The following CKAP2L variants were observed in gnomAD, a reference collection of about 807,000 sequenced individuals.
CKAP2L encodes the protein cytoskeleton-associated protein 2-like.
A neutral mutation model predicts 65.7 loss-of-function variants in CKAP2L; 42 were observed. The ratio of observed to expected loss-of-function variants is 0.64; its 90% CI spans 0.50 to 0.83. CKAP2L has a LOEUF of 0.83. Among genes scored for constraint, CKAP2L ranks in the 40% least tolerant of loss-of-function variants. CKAP2L has a pLI of 0.00. For synonymous variants in CKAP2L, 325 were observed against 313.5 expected, an observed-to-expected ratio of 1.04 and a Z score of -0.39; for missense variants, 908 against 871.0, an observed-to-expected ratio of 1.04 and a Z score of -0.53.
In CKAP2L at chr2:112,746,388, T is replaced by A. The variant is rs750608634; in HGVS notation, c.1758+32A>T. 5 of 1,546,768 alleles carry A rather than the reference T, an allele frequency of 3.2e-6. No individual in the cohort carries two copies. The Admixed American group carries it at 9.5e-5, about 30-fold the overall frequency. On this transcript the variant is annotated intron_variant, in intron 6 of 8. Coordinates refer to ENST00000302450, the MANE Select transcript of CKAP2L (RefSeq NM_152515.5). ...AGAGAACTCACATGAAAGAGAATTTTAAGAAGTTACCCACCCAAGACAGAT... is the reference window on the plus strand; with the variant it reads ...AGAGAACTCACATGAAAGAGAATTTAAAGAAGTTACCCACCCAAGACAGAT...
chr2:112,741,971 G>C (rs1042762372), intron 7 of CKAP2L, among the ~76,000 whole-genome samples: 2 of 68,900 alleles, frequency 2.9e-5, no homozygotes, highest in East Asian at 4.4e-4. Context: ...TTTTTTTAAA[G>C]ACAAGACAGG....
rs1680552197 is a variant in CKAP2L at position 112,756,706 on chromosome 2, A to T, written c.665T>A (p.Val222Asp). ...ACTTTTGCCCAAGGCTTGTTTAGGA[A>T]CTAAACTGTTCTTGGTTTGATTATA... ...DSYNQTKNSL[V>D]PKQALGKSSV... Residue 222 changes from valine to aspartate, a missense_variant, in exon 4 of 9, where the codon GTT becomes GAT. By Grantham distance (152) the Val-to-Asp change is radical. Transcript: ENST00000302450. 1 of 1,593,978 alleles carries T rather than the reference A, an allele frequency of 6.3e-7. No individual in the cohort carries two copies. Among genetic ancestry groups the T allele is most frequent in the Non-Finnish European group, 8.5e-7 (1 of 1,172,912 alleles).
At position 112,737,606 on chromosome 2, in the gene CKAP2L, T is replaced by C. The variant is rs1679390765; in HGVS notation, c.*1217A>G. 1 of 152,212 alleles carries C rather than the reference T, an allele frequency of 6.6e-6. No homozygotes were observed. Among genetic ancestry groups the C allele is most frequent in the African/African-American group, 2.4e-5 (1 of 41,450 alleles). The allele number at this position is 152,212 out of a possible 1,614,324, so 9.4% of individuals were successfully genotyped here. Reference sequence around the variant, plus strand: ...ACAATTGAGTTGTAAGAGTCTCTTATTGAAAGTCTGCTGGTATTACAGGTT... The same window carrying C: ...ACAATTGAGTTGTAAGAGTCTCTTACTGAAAGTCTGCTGGTATTACAGGTT... On this transcript the variant is annotated 3_prime_UTR_variant, in exon 9 of 9. Coordinates refer to ENST00000302450, the MANE Select transcript of CKAP2L (RefSeq NM_152515.5).
At position 112,756,665 on chromosome 2, in the gene CKAP2L, C is replaced by T. The variant is rs1573234478; in HGVS notation, c.706G>A (p.Val236Ile). 2.5e-6 allele frequency: 4 copies of T among 1,601,944 alleles called. No individual in the cohort carries two copies. The East Asian group carries it at 6.7e-5, about 27-fold the overall frequency. Reference sequence around the variant, plus strand: ...TGTTTATTAACCCTATCTTTCAGAACAGCACTATTAACTGAACTTTTGCCC... The same window carrying T: ...TGTTTATTAACCCTATCTTTCAGAATAGCACTATTAACTGAACTTTTGCCC... ...ALGKSSVNSA[V>I]LKDRVNKQFV... Residue 236 changes from valine (V) to isoleucine (I), a missense_variant, in exon 4 of 9, where the codon GTT (valine) becomes ATT (isoleucine). Physicochemically the swap from Val to Ile is conservative, Grantham distance 29. Coordinates refer to ENST00000302450, the MANE Select transcript of CKAP2L (RefSeq NM_152515.5).
rs1679186079 is a variant in CKAP2L at position 112,736,463 on chromosome 2, C to CA, written c.*2359dup. On this transcript the variant is annotated 3_prime_UTR_variant, in exon 9 of 9. Coordinates refer to ENST00000302450, the MANE Select transcript of CKAP2L (RefSeq NM_152515.5). Reference sequence around the variant, plus strand: ...GTGAAGCAGATTAACATTATCATCTCAGTTTTTTTGTGATAATAGCAGCTA... The same window carrying CA: ...GTGAAGCAGATTAACATTATCATCTCAAGTTTTTTTGTGATAATAGCAGCTA... 1 of 152,148 alleles carries CA rather than the reference C, an allele frequency of 6.6e-6. No homozygotes were observed. The highest frequency in any genetic ancestry group is 2.1e-4 in the South Asian group (1 of 4,830). The allele number at this position is 152,148 out of a possible 1,614,324, so 9.4% of individuals were successfully genotyped here. A position where few individuals can be genotyped will look rare whatever the true frequency, so the allele number is the denominator to read the frequency against.
At position 112,757,173 on chromosome 2, in the gene CKAP2L, C is replaced by A. The variant is rs1680566952; in HGVS notation, c.198G>T (p.Leu66Phe). Reference sequence around the variant, plus strand: ...TGATGGACCTTTTAGGTTTGACAGGCAAAACAACATGGTTGGTAACATCAT... The same window carrying A: ...TGATGGACCTTTTAGGTTTGACAGGAAAAACAACATGGTTGGTAACATCAT... Reference protein sequence around the residue: ...PKNDVTNHVVLPVKPKRSISI... With the variant: ...PKNDVTNHVVFPVKPKRSISI... The change falls in exon 4 of 9, where the codon TTG (leucine) becomes TTT (phenylalanine). Residue 66 changes from leucine to phenylalanine, a missense_variant. Physicochemically the swap from Leu to Phe is conservative, Grantham distance 22 (BLOSUM62 0). Coordinates refer to ENST00000302450, the MANE Select transcript of CKAP2L (RefSeq NM_152515.5). 3 of 1,612,296 alleles carry A rather than the reference C, an allele frequency of 1.9e-6. No homozygotes were observed. Among genetic ancestry groups the A allele is most frequent in the Non-Finnish European group, 2.5e-6 (3 of 1,179,226 alleles).
In CKAP2L at chr2:112,762,436, A is replaced by G. The variant is rs1182529469; in HGVS notation, c.104+67T>C. The G allele has an allele frequency of 2.3e-5, 28 of 1,223,742 alleles. No individual in the cohort carries two copies. In the Admixed American group the frequency reaches 4.8e-4, roughly 21 times the overall value. The allele number at this position is 1,223,742 out of a possible 1,614,324, so 75.8% of individuals were successfully genotyped here. A position where few individuals can be genotyped will look rare whatever the true frequency, so the allele number is the denominator to read the frequency against. On this transcript the variant is annotated intron_variant, in intron 2 of 8. Transcript: ENST00000302450. ...TCTAAGCAAAAGGGACATTTTTCAAAAAGGCTTTAAATTGCTAGTACAAAG... is the reference window on the plus strand; with the variant it reads ...TCTAAGCAAAAGGGACATTTTTCAAGAAGGCTTTAAATTGCTAGTACAAAG...
At chr2:112,761,123 G>A (rs1350835916) in intron 2 of CKAP2L, among the ~76,000 whole-genome samples, 2 of 152,052 alleles carry the variant, frequency 1.3e-5, no homozygotes, top group African/African-American at 4.8e-5. Context: ...CAATGTGCCA[G>A]ACACCGAAGA....
Position 112,737,210 on chromosome 2 carries a change from C to A in CKAP2L, c.*1613G>T, listed in dbSNP as rs552119066. On this transcript the variant is annotated 3_prime_UTR_variant, in exon 9 of 9. Transcript: ENST00000302450. ...CTGGGATTACAGGTGTGAGTCACTG[C>A]GCCCAGCTGGTGATTTCATCTTCTT... 6.6e-6 allele frequency: 1 copy of A among 152,176 alleles called. No homozygotes were observed. The highest frequency in any genetic ancestry group is 2.4e-5 in the African/African-American group (1 of 41,436). The allele number at this position is 152,176 out of a possible 1,614,324, so 9.4% of individuals were successfully genotyped here. A position where few individuals can be genotyped will look rare whatever the true frequency, so the allele number is the denominator to read the frequency against.
chr2:112,764,607 A>C lies in CKAP2L; in HGVS notation c.-9T>G. 3 of 1,614,102 alleles carry C rather than the reference A, an allele frequency of 1.9e-6. No individual in the cohort carries two copies. In the African/African-American group the frequency reaches 4.0e-5, roughly 22 times the overall value. On this transcript the variant is annotated 5_prime_UTR_variant, in exon 1 of 9. Transcript: ENST00000302450. ...GGCCCGGGCCCCACCATGACTCTTC[A>C]GTGACAGTTTTTCTTCAAACGCCGC... is the stretch of plus-strand genomic sequence containing the variant.
rs75085685 is a variant in CKAP2L, at chr2:112,736,412, A to G, written c.*2411T>C. 4.5e-3 allele frequency among the ~76,000 whole-genome samples: 688 copies of G among 152,294 alleles called. 6 individuals carry two copies. Among genetic ancestry groups the G allele is most frequent in the African/African-American group, 0.016 (662 of 41,520 alleles). On this transcript the variant is annotated 3_prime_UTR_variant, in exon 9 of 9. Coordinates refer to ENST00000302450, the MANE Select transcript of CKAP2L (RefSeq NM_152515.5). Reference sequence around the variant, plus strand: ...TTTACAACATGATGTTATGGGATACATATAGATAATAAAATGGCTGCTATA... The same window carrying G: ...TTTACAACATGATGTTATGGGATACGTATAGATAATAAAATGGCTGCTATA...
rs898435993 is a variant in CKAP2L, at chr2:112,764,531, T to A, written c.37+31A>T. On this transcript the variant is annotated intron_variant, in intron 1 of 8. Coordinates refer to ENST00000302450, the MANE Select transcript of CKAP2L (RefSeq NM_152515.5). The stretch of plus-strand genomic sequence containing the variant: ...ACTTCCCCGGCCGTGTTCCAACGCC[T>A]GAGAATAACGGGAACAGCGGTCGTA... 4 of 1,613,374 alleles carry A rather than the reference T, an allele frequency of 2.5e-6. No individual in the cohort carries two copies. The African/African-American group carries it at 4.0e-5, about 16-fold the overall frequency.
intron 3 of CKAP2L, among the ~76,000 whole-genome samples, chr2:112,758,328 T>G (rs1680605773): frequency 6.6e-6 from 1 of 152,192 alleles, no homozygotes; most frequent in South Asian, 2.1e-4. Context: ...AAAGGAGAAT[T>G]TCACAGAGAT....
intron 1 of CKAP2L, among the ~76,000 whole-genome samples, chr2:112,763,389 G>C (rs1447413331): frequency 6.6e-6 from 1 of 151,978 alleles, no homozygotes; most frequent in Non-Finnish European, 1.5e-5. Context: ...TCCTTTGTTG[G>C]TACTAAGGAT....
intron 4 of CKAP2L, among the ~76,000 whole-genome samples, chr2:112,753,195 T>A (rs973980796): frequency 2.0e-5 from 3 of 152,188 alleles, no homozygotes; most frequent in African/African-American, 7.2e-5. Context: ...AGTCCAGATC[T>A]CTCCCTGGAT....
rs554981105 is a variant in CKAP2L, at chr2:112,760,898, T to A, written c.105-134A>T. On this transcript the variant is annotated intron_variant, in intron 2 of 8. Transcript: ENST00000302450. ...CTGTAATGGCAAAATAATTCAAAATTATATTTAATAAAGTCTCCTTATCAT... is the reference window on the plus strand; with the variant it reads ...CTGTAATGGCAAAATAATTCAAAATAATATTTAATAAAGTCTCCTTATCAT... 8.3e-6 allele frequency: 5 copies of A among 602,516 alleles called. No individual in the cohort carries two copies. In the East Asian group the frequency reaches 1.7e-4, roughly 20 times the overall value. 37.3% of individuals were successfully genotyped at this position (602,516 alleles called of 1,614,324 possible).
Position 112,762,487 on chromosome 2 carries a change from G to T in CKAP2L, c.104+16C>A, listed in dbSNP as rs768124628. On this transcript the variant is annotated intron_variant, in intron 2 of 8. Transcript: ENST00000302450. ...AAGGCAACAAAACTTGCGTAACTGT[G>T]GACAGATAAACTCACTTGGTGTTTT... 2.2e-5 allele frequency: 35 copies of T among 1,607,858 alleles called. No homozygotes were observed. In the East Asian group the frequency reaches 7.8e-4, roughly 36 times the overall value.
chr2:112,762,406 TAG>T, intron 2 of CKAP2L, 95 bp downstream of exon 2: 4 of 890,892 alleles, frequency 4.5e-6, no homozygotes. Flanking sequence ...GCAGTCTGAG[TAG>T]ACTCTAAGCA....
chr2:112,760,809 T>C, intron 2 of CKAP2L, 45 bp from the exon 3 acceptor site: 1 of 1,016,458 alleles, frequency 9.8e-7, no homozygotes, highest in Non-Finnish European at 1.5e-6. Flanking sequence ...AGAAGGATTC[T>C]AAGCTAAGCT....
Sources: gnomAD v4.1 joint callset for allele counts (sites outside exome capture counted in the v4.1 genomes callset) on GRCh38, gnomAD v4.1.1 for gene constraint, MANE v1.5 for transcripts, NCBI Gene and HGNC (gene_info 2026-07-23, HGNC 2026-07-21) for gene names.